The following PPP2R2B variants were observed in gnomAD, a reference collection of about 807,000 sequenced individuals.
PPP2R2B encodes the protein serine/threonine-protein phosphatase 2A 55 kDa regulatory subunit B beta isoform.
Under a neutral mutation model 46.0 loss-of-function variants are expected in PPP2R2B, and 5 were observed. That is an observed-to-expected ratio of 0.11 (90% CI 0.06 to 0.23). The LOEUF (loss-of-function observed/expected upper bound fraction) is 0.23, where lower values mean the gene tolerates loss of function less well. Among genes scored for constraint, PPP2R2B ranks in the 10% least tolerant of loss-of-function variants. PPP2R2B has a pLI of 1.00. For missense variants in PPP2R2B, 367 were observed against 575.0 expected, an observed-to-expected ratio of 0.64 and a Z score of 3.70; for synonymous variants, 215 against 206.7, an observed-to-expected ratio of 1.04 and a Z score of -0.34.
intron 3 of PPP2R2B, among the ~76,000 whole-genome samples, chr5:146,698,972 A>G (rs904442599): frequency 2.0e-5 from 3 of 152,142 alleles, no homozygotes; most frequent in Non-Finnish European, 2.9e-5. Context: ...GAGGAGAAAA[A>G]AAACAGGATG....
chr5:146,888,428 G>A (rs376062538), intron 1 of PPP2R2B, among the ~76,000 whole-genome samples: 1 of 151,926 alleles, frequency 6.6e-6, no homozygotes, highest in African/African-American at 2.4e-5. Flanking sequence ...CATCTCCACT[G>A]CTGCTACCAT....
chr5:146,979,380 T>C (rs1331532403), intron 1 of PPP2R2B, among the ~76,000 whole-genome samples: 1 of 152,220 alleles, frequency 6.6e-6, no homozygotes, highest in African/African-American at 2.4e-5. Context: ...CTTGTTTACT[T>C]TCTGTTTCCT....
chr5:146,584,453 A>T lies in PPP2R2B; in HGVS notation c.*5494T>A, dbSNP rs1206884208. On this transcript the variant is annotated 3_prime_UTR_variant, in exon 10 of 10. Transcript: ENST00000394411. ...GTTTGTGAGTATCCACGCTAGGGAA[A>T]ATAATCAAGCCAAGGTAACTCTGCA... 1 of 152,226 alleles carries T rather than the reference A, an allele frequency of 6.6e-6. No homozygotes were observed. 9.4% of individuals were successfully genotyped at this position (152,226 alleles called of 1,614,324 possible).
intron 7 of PPP2R2B, among the ~76,000 whole-genome samples, chr5:146,620,690 A>G (rs1229917146): frequency 6.6e-6 from 1 of 152,094 alleles, no homozygotes; most frequent in Non-Finnish European, 1.5e-5. Flanking sequence ...CCCACTCCAC[A>G]CATCACAGGC....
chr5:147,050,149 T>C (rs1488161428), intron 1 of PPP2R2B, among the ~76,000 whole-genome samples: 2 of 152,198 alleles, frequency 1.3e-5, no homozygotes, highest in East Asian at 1.9e-4. Context: ...AATTCATGCA[T>C]TGTACATAAA....
chr5:146,808,192 G>A (rs539510206), intron 2 of PPP2R2B, among the ~76,000 whole-genome samples: 17 of 152,078 alleles, frequency 1.1e-4, no homozygotes, highest in Admixed American at 2.0e-4. Flanking sequence ...GGTTTGTGCC[G>A]TCCAATGGGT....
intron 2 of PPP2R2B, among the ~76,000 whole-genome samples, chr5:147,069,614 T>C (rs1032382087): frequency 1.3e-5 from 2 of 151,998 alleles, no homozygotes; most frequent in African/African-American, 4.8e-5. Flanking sequence ...ACTTGTTGTC[T>C]CCTGTGTCTA....
At chr5:146,625,019 G>C (rs1773952071) in intron 7 of PPP2R2B, among the ~76,000 whole-genome samples, 1 of 152,186 alleles carries the variant, frequency 6.6e-6, no homozygotes, top group African/African-American at 2.4e-5. Context: ...CAAGGGCAGG[G>C]GGCATGATTT....
At chr5:146,907,794 T>C (rs1292847591) in intron 1 of PPP2R2B, among the ~76,000 whole-genome samples, 1 of 152,260 alleles carries the variant, frequency 6.6e-6, no homozygotes, top group Admixed American at 6.5e-5. Context: ...AGTTATTAAC[T>C]ATTGGGTCCT....
At chr5:146,881,005 C>G (rs891351701), upstream of PPP2R2B, among the ~76,000 whole-genome samples, 4 of 151,476 alleles carry the variant, frequency 2.6e-5, no homozygotes, top group African/African-American at 9.7e-5. Context: ...ACACAACGAC[C>G]TGTGGTGGAG....
chr5:146,759,574 G>A (rs1439799863), intron 2 of PPP2R2B, among the ~76,000 whole-genome samples: 1 of 152,118 alleles, frequency 6.6e-6, no homozygotes, highest in Non-Finnish European at 1.5e-5. Context: ...CTCTGCTCAG[G>A]CATCACCTCT....
chr5:146,808,710 T>C (rs1757342232), intron 2 of PPP2R2B, among the ~76,000 whole-genome samples: 1 of 152,100 alleles, frequency 6.6e-6, no homozygotes, highest in Admixed American at 6.5e-5. Context: ...GGAAAGAAAG[T>C]CCAATCAGGC....
At chr5:146,854,144 C>A (rs1445358966) in intron 2 of PPP2R2B, among the ~76,000 whole-genome samples, 1 of 152,122 alleles carries the variant, frequency 6.6e-6, no homozygotes. Context: ...GGATGCCAGA[C>A]TCTTCATTCC....
intron 1 of PPP2R2B, among the ~76,000 whole-genome samples, chr5:146,916,098 T>A (rs1763375566): frequency 6.6e-6 from 1 of 152,164 alleles, no homozygotes; most frequent in Admixed American, 6.5e-5. Context: ...AAAAATTGTA[T>A]CACTTTGAAG....
At chr5:146,939,683 T>G (rs774050467) in intron 1 of PPP2R2B, among the ~76,000 whole-genome samples, 1 of 152,228 alleles carries the variant, frequency 6.6e-6, no homozygotes, top group Non-Finnish European at 1.5e-5. Flanking sequence ...AACATAGTAT[T>G]CCTGCTTGAA....
intron 2 of PPP2R2B, among the ~76,000 whole-genome samples, chr5:146,767,193 G>A (rs184888024): frequency 1.3e-5 from 2 of 151,818 alleles, no homozygotes; most frequent in African/African-American, 4.8e-5. Context: ...GAATACTTGA[G>A]AATATATAAA....
chr5:146,860,182 C>A (rs959273793), intron 2 of PPP2R2B, among the ~76,000 whole-genome samples: 3 of 152,172 alleles, frequency 2.0e-5, no homozygotes, highest in African/African-American at 7.2e-5. Flanking sequence ...AAACGTTTTA[C>A]AGGTCCACAC....
intron 1 of PPP2R2B, among the ~76,000 whole-genome samples, chr5:146,967,797 A>G (rs925037892): frequency 6.6e-6 from 1 of 152,138 alleles, no homozygotes; most frequent in African/African-American, 2.4e-5. Context: ...GTTACTCTTC[A>G]ATTAGTTTCC....
At chr5:146,743,929 C>A (rs1181374263) in intron 2 of PPP2R2B, among the ~76,000 whole-genome samples, 2 of 152,176 alleles carry the variant, frequency 1.3e-5, no homozygotes, top group East Asian at 1.9e-4. Context: ...GTGGGCCCAA[C>A]TGACCTTATT....
Sources: gnomAD v4.1 joint callset for allele counts (sites outside exome capture counted in the v4.1 genomes callset) on GRCh38, gnomAD v4.1.1 for gene constraint, MANE v1.5 for transcripts, NCBI Gene and HGNC (gene_info 2026-07-23, HGNC 2026-07-21) for gene names.